CHST11: variants seen among roughly 807,000 people sequenced by gnomAD.
CHST11 encodes carbohydrate sulfotransferase 11, also known as C4S-1.
A neutral mutation model predicts 30.4 loss-of-function variants in CHST11; 9 were observed. The observed-to-expected ratio is 0.30, with a 90% CI of 0.18 to 0.52. The LOEUF (loss-of-function observed/expected upper bound fraction) is 0.52. Among genes scored for constraint, CHST11 ranks in the 20% least tolerant of loss-of-function variants. The pLI is 0.97. For missense variants in CHST11, 348 were observed against 460.6 expected (o/e 0.76, Z 2.24); for synonymous variants, 152 against 187.8 (o/e 0.81, Z 1.56).
intron 2 of CHST11, among the ~76,000 whole-genome samples, chr12:104,658,509 G>T (rs2039567218): frequency 6.6e-6 from 1 of 152,194 alleles, no homozygotes; most frequent in Admixed American, 6.5e-5. Context: ...AACGACTGGG[G>T]GTTAGTACCT....
chr12:104,581,659 C>T (rs1260877155), intron 1 of CHST11, among the ~76,000 whole-genome samples: 1 of 152,148 alleles, frequency 6.6e-6, no homozygotes, highest in Non-Finnish European at 1.5e-5. Context: ...AGACCCACTA[C>T]CTCTGTCTAA....
rs572754217 is a variant in CHST11, at chr12:104,573,264, C to T, written c.119-28642C>T. 8.0e-3 allele frequency among the ~76,000 whole-genome samples: 1,210 copies of T among 152,152 alleles called. 7 individuals carry two copies. The highest frequency in any genetic ancestry group is 0.013 in the Non-Finnish European group (861 of 67,994). On this transcript the variant is annotated intron_variant, in intron 1 of 2. Transcript: ENST00000303694. ...GCTCATGGATAGGAAGAATCAATAT[C>T]GTGAAAATGGCCATACTGCCCAAGG...
chr12:104,704,684 G>A (rs1359784190), intron 2 of CHST11, among the ~76,000 whole-genome samples: 18 of 152,152 alleles, frequency 1.2e-4, no homozygotes, highest in African/African-American at 4.3e-4. Flanking sequence ...AATACAAACA[G>A]CTGTTGTCCC....
At chr12:104,704,844 C>A (rs943191233) in intron 2 of CHST11, among the ~76,000 whole-genome samples, 3 of 151,996 alleles carry the variant, frequency 2.0e-5, no homozygotes, top group African/African-American at 7.3e-5. Flanking sequence ...TTGTCACATC[C>A]CGCATCATCC....
intron 2 of CHST11, among the ~76,000 whole-genome samples, chr12:104,613,477 G>A (rs1363305067): frequency 6.6e-6 from 1 of 152,132 alleles, no homozygotes; most frequent in Non-Finnish European, 1.5e-5. Flanking sequence ...CTGGTGGGAG[G>A]TGATTGGATC....
At chr12:104,459,384 G>T (rs2037386587) in intron 1 of CHST11, among the ~76,000 whole-genome samples, 1 of 152,186 alleles carries the variant, frequency 6.6e-6, no homozygotes. Context: ...AGGGGCCGGT[G>T]ATTTGGTCTA....
chr12:104,539,569 C>G (rs1294212468), intron 1 of CHST11, among the ~76,000 whole-genome samples: 1 of 152,062 alleles, frequency 6.6e-6, no homozygotes, highest in Non-Finnish European at 1.5e-5. Context: ...GATGGAGGAG[C>G]TAAATTGTAG....
intron 2 of CHST11, among the ~76,000 whole-genome samples, chr12:104,680,995 C>T (rs543530984): frequency 6.6e-6 from 1 of 152,332 alleles, no homozygotes; most frequent in South Asian, 2.1e-4. Flanking sequence ...ATAATATCTA[C>T]TTCAAAGGGT....
At chr12:104,615,799 G>T (rs1373417109) in intron 2 of CHST11, among the ~76,000 whole-genome samples, 1 of 152,134 alleles carries the variant, frequency 6.6e-6, no homozygotes, top group East Asian at 1.9e-4. Flanking sequence ...GTGGTGGCGG[G>T]CACCTGCAGT....
At position 104,626,410 on chromosome 12, in the gene CHST11, G is replaced by T. The variant is rs1373680236; in HGVS notation, c.204+24419G>T. Among the ~76,000 whole-genome samples the T allele has an allele frequency of 2.0e-5, 3 of 152,070 alleles. No individual in the cohort carries two copies. The South Asian group carries it at 6.3e-4, about 32-fold the overall frequency. ...TTCTTTTTAAAAGACCAGAACTTTT[G>T]TCTATTCATGTTAACCTTAAAAGCA... On this transcript the variant is annotated intron_variant, in intron 2 of 2. Transcript: ENST00000303694.
At chr12:104,567,679 C>T (rs888764697) in intron 1 of CHST11, among the ~76,000 whole-genome samples, 4 of 152,208 alleles carry the variant, frequency 2.6e-5, no homozygotes, top group African/African-American at 9.7e-5. Context: ...CAGGGTCACA[C>T]AGCCCATGAG....
chr12:104,713,727 G>A (rs1397965552), intron 2 of CHST11, among the ~76,000 whole-genome samples: 1 of 152,096 alleles, frequency 6.6e-6, no homozygotes, highest in Non-Finnish European at 1.5e-5. Context: ...CTGATTTGAG[G>A]CCATTTATCC....
chr12:104,740,075 T>C (rs1002615628), intron 2 of CHST11, among the ~76,000 whole-genome samples: 13 of 152,248 alleles, frequency 8.5e-5, no homozygotes, highest in Non-Finnish European at 1.6e-4. Context: ...GAAATCAATG[T>C]ATTTAGTTTC....
chr12:104,661,358 G>A (rs1319209422), intron 2 of CHST11, among the ~76,000 whole-genome samples: 1 of 152,018 alleles, frequency 6.6e-6, no homozygotes, highest in African/African-American at 2.4e-5. Flanking sequence ...TTCAAGACCA[G>A]CCTGGGCAAT....
chr12:104,700,893 G>A (rs1243091396), intron 2 of CHST11, among the ~76,000 whole-genome samples: 5 of 152,046 alleles, frequency 3.3e-5, no homozygotes, highest in Admixed American at 1.3e-4. Context: ...GGTGGATCAC[G>A]AGGTCAGGAG....
chr12:104,590,411 A>G (rs1313647210), intron 1 of CHST11, among the ~76,000 whole-genome samples: 1 of 152,310 alleles, frequency 6.6e-6, no homozygotes, highest in East Asian at 1.9e-4. Flanking sequence ...TGTATTTCAA[A>G]ACGGTTTAGT....
chr12:104,465,512 T>G (rs1010281171), intron 1 of CHST11, among the ~76,000 whole-genome samples: 6 of 152,252 alleles, frequency 3.9e-5, no homozygotes, highest in Admixed American at 6.5e-5. Context: ...TCATTTCTCT[T>G]TTCTGGCCCT....
At chr12:104,559,170 G>A (rs974622276) in intron 1 of CHST11, among the ~76,000 whole-genome samples, 3 of 152,080 alleles carry the variant, frequency 2.0e-5, no homozygotes, top group Non-Finnish European at 4.4e-5. Context: ...GCACTTCTGG[G>A]CTTGGCTACC....
intron 1 of CHST11, among the ~76,000 whole-genome samples, chr12:104,493,468 G>A (rs1489491407): frequency 3.9e-5 from 6 of 152,206 alleles, no homozygotes; most frequent in African/African-American, 9.7e-5. Flanking sequence ...CTGAGGGTTC[G>A]TTGGTGAATG....
Sources: gnomAD v4.1 joint callset for allele counts (sites outside exome capture counted in the v4.1 genomes callset) on GRCh38, gnomAD v4.1.1 for gene constraint, MANE v1.5 for transcripts, NCBI Gene and HGNC (gene_info 2026-07-23, HGNC 2026-07-21) for gene names.